The following EYS variants were observed in gnomAD, a reference collection of about 807,000 sequenced individuals.
EYS encodes the protein EGF-like photoreceptor maintenance factor.
In EYS, 250 loss-of-function variants were observed where a neutral mutation model predicts 282.1. The observed-to-expected ratio is 0.89, with a 90% CI of 0.80 to 0.98. The LOEUF is 0.98. EYS is among the 50% of genes least tolerant of loss of function. The pLI is 0.00. For missense variants in EYS, 4,016 were observed against 3,709.0 expected (o/e 1.08, Z -2.15); for synonymous variants, 1,355 against 1,282.9 (o/e 1.06, Z -1.20).
chr6:65,245,550 C>G (rs1767157731), intron 12 of EYS, among the ~76,000 whole-genome samples: 1 of 152,038 alleles, frequency 6.6e-6, no homozygotes, highest in South Asian at 2.1e-4. Flanking sequence ...ATTCTCATAT[C>G]AAGGCCTTTA....
intron 12 of EYS, among the ~76,000 whole-genome samples, chr6:65,252,957 T>A (rs1188822232): frequency 6.6e-6 from 1 of 151,884 alleles, no homozygotes; most frequent in African/African-American, 2.4e-5. Flanking sequence ...TCAGACCTGT[T>A]AGACAATAAA....
chr6:65,299,412 C>T (rs894585263), intron 11 of EYS, among the ~76,000 whole-genome samples: 1 of 151,998 alleles, frequency 6.6e-6, no homozygotes, highest in Non-Finnish European at 1.5e-5. Context: ...CTGACCCCCC[C>T]CAAAAAACAA....
At chr6:64,997,396 CAT>C (rs899629658) in intron 14 of EYS, among the ~76,000 whole-genome samples, 184 bp downstream of exon 14, 2 of 151,526 alleles carry the variant, frequency 1.3e-5, no homozygotes, top group African/African-American at 2.4e-5. Context: ...GAGAATAGAA[CAT>C]GTTTTACTAC....
In EYS at chr6:64,009,220, C is replaced by T. The variant is rs555912399; in HGVS notation, c.6726-10037G>A. 6.6e-5 allele frequency among the ~76,000 whole-genome samples: 10 copies of T among 150,844 alleles called. No homozygotes were observed. In the South Asian group the frequency reaches 1.0e-3, roughly 16 times the overall value. ...TGAGTTATTTTGAAGAACTGGTCTT[C>T]GAGCTCTGAGATTCTTTCCTCCGCT... On this transcript the variant is annotated intron_variant, in intron 33 of 42. Transcript: ENST00000503581.
chr6:63,874,252 A>T (rs1449313883), intron 35 of EYS, among the ~76,000 whole-genome samples: 1 of 152,206 alleles, frequency 6.6e-6, no homozygotes, highest in African/African-American at 2.4e-5. Flanking sequence ...TAAATAGGGA[A>T]TCCTTTCCCC....
At chr6:64,092,373 G>A (rs577472585) in intron 31 of EYS, among the ~76,000 whole-genome samples, 21 of 152,308 alleles carry the variant, frequency 1.4e-4, no homozygotes, top group African/African-American at 5.1e-4. Flanking sequence ...CACCAACAGA[G>A]TAAAAGTGTT....
intron 22 of EYS, among the ~76,000 whole-genome samples, chr6:64,647,228 C>T (rs981158139): frequency 4.6e-5 from 7 of 151,934 alleles, no homozygotes; most frequent in African/African-American, 1.7e-4. Context: ...TAGTAAAGTA[C>T]CTCCTGACAA....
chr6:64,611,602 A>T (rs1767118554), intron 24 of EYS, among the ~76,000 whole-genome samples: 1 of 152,160 alleles, frequency 6.6e-6, no homozygotes, highest in South Asian at 2.1e-4. Context: ...TATTTTAAGG[A>T]TCTGCAAAAA....
At chr6:65,007,110 GCGGGTAAAACAGATGCAGGA>G (rs1375675064) in intron 13 of EYS, among the ~76,000 whole-genome samples, 1 of 152,116 alleles carries the variant, frequency 6.6e-6, no homozygotes, top group African/African-American at 2.4e-5. Flanking sequence ...GTCAAGAGAG[GCGGGTAAAACAGATGCAGGA>G]CTGCTACATA....
At chr6:63,954,646 A>G (rs1765736959) in intron 35 of EYS, among the ~76,000 whole-genome samples, 1 of 152,086 alleles carries the variant, frequency 6.6e-6, no homozygotes, top group South Asian at 2.1e-4. Context: ...GGTAGCTAAA[A>G]AAGCAGTTAG....
intron 31 of EYS, among the ~76,000 whole-genome samples, chr6:64,154,949 C>T (rs1005053116): frequency 2.0e-5 from 3 of 152,094 alleles, no homozygotes; most frequent in African/African-American, 7.2e-5. Flanking sequence ...TCACAGCCAC[C>T]TATTTTGAGG....
chr6:65,404,557 C>T (rs1002134313), intron 6 of EYS, among the ~76,000 whole-genome samples: 9 of 151,756 alleles, frequency 5.9e-5, no homozygotes, highest in African/African-American at 2.2e-4. Context: ...ACATTGGTAA[C>T]AAATCTTTGT....
chr6:64,953,810 C>T (rs1000486908), intron 14 of EYS, among the ~76,000 whole-genome samples: 3 of 151,718 alleles, frequency 2.0e-5, no homozygotes, highest in African/African-American at 4.8e-5. Flanking sequence ...CAAGGCAAAA[C>T]TTGTAGAAAA....
intron 12 of EYS, among the ~76,000 whole-genome samples, chr6:65,258,887 C>G (rs548207107): frequency 6.6e-6 from 1 of 151,916 alleles, no homozygotes; most frequent in Admixed American, 6.6e-5. Flanking sequence ...TGAAATCTCC[C>G]ATAAAAGTAT....
chr6:64,243,823 T>C (rs1458059951), intron 30 of EYS, among the ~76,000 whole-genome samples: 3 of 152,228 alleles, frequency 2.0e-5, no homozygotes, highest in Admixed American at 6.5e-5. Context: ...GGAATTTTAA[T>C]GAGAGAAGTT....
chr6:63,759,330 A>G (rs372756910), intron 41 of EYS, among the ~76,000 whole-genome samples: 60 of 152,096 alleles, frequency 3.9e-4, no homozygotes, highest in Admixed American at 1.3e-3. Flanking sequence ...TACTTGCCCA[A>G]TGTCTAAGGT....
At chr6:64,576,691 GTTTC>G (rs1400011073) in intron 26 of EYS, among the ~76,000 whole-genome samples, 1 of 151,782 alleles carries the variant, frequency 6.6e-6, no homozygotes, top group Admixed American at 6.6e-5. Context: ...TTTAAAAATA[GTTTC>G]TTATTTAAGA....
At chr6:63,906,962 A>T (rs1375574837) in intron 35 of EYS, among the ~76,000 whole-genome samples, 3 of 152,082 alleles carry the variant, frequency 2.0e-5, no homozygotes, top group Admixed American at 6.5e-5. Context: ...AGACTGAGGA[A>T]CACTGGTCTA....
chr6:65,403,052 A>G (rs901803982), intron 6 of EYS, among the ~76,000 whole-genome samples: 1 of 152,110 alleles, frequency 6.6e-6, no homozygotes, highest in Non-Finnish European at 1.5e-5. Flanking sequence ...TTACTACCAG[A>G]CATATGAATA....
Sources: allele counts gnomAD v4.1 joint callset (sites outside exome capture counted in the v4.1 genomes callset), GRCh38; gene constraint gnomAD v4.1.1; transcripts MANE v1.5; gene names NCBI Gene and HGNC (gene_info 2026-07-23, HGNC 2026-07-21).